KPNA7: variants seen among roughly 807,000 people sequenced by gnomAD.
KPNA7 encodes the protein karyopherin subunit alpha 7, also known as importin subunit alpha-8.
KPNA7 carries 54 observed loss-of-function variants against 53.7 expected under a neutral mutation model. That is an observed-to-expected ratio of 1.01 (90% CI 0.81 to 1.26). The LOEUF (loss-of-function observed/expected upper bound fraction) is 1.26, where lower values mean the gene tolerates loss of function less well. KPNA7 is among the 50% of genes most tolerant of loss of function. The probability of loss-of-function intolerance (pLI) is 0.00; values close to 1 mark genes in which losing one functional copy is unlikely to be tolerated. For synonymous variants in KPNA7, 276 were observed against 259.3 expected (o/e 1.06, Z -0.62); for missense variants, 640 against 644.5 (o/e 0.99, Z 0.07).
At chr7:99,158,662 C>T in the KPNA7 span, among the ~76,000 whole-genome samples, 1 of 151,946 alleles carries the variant, frequency 6.6e-6, no homozygotes, top group East Asian at 1.9e-4. Context: ...CACCACCATG[C>T]CCAGCTAATT....
downstream of KPNA7, among the ~76,000 whole-genome samples, chr7:99,170,459 C>T (rs886126255): frequency 1.6e-4 from 7 of 44,658 alleles, no homozygotes; most frequent in Admixed American, 1.1e-3. Context: ...TGAGAGGATC[C>T]GTTTCAGTGG....
downstream of KPNA7, among the ~76,000 whole-genome samples, chr7:99,171,213 C>G (rs1469421179): frequency 6.6e-6 from 1 of 152,110 alleles, no homozygotes; most frequent in Non-Finnish European, 1.5e-5. Context: ...GAGCAAGACT[C>G]TGTCTCAAAA....
chr7:99,166,053 C>T, the KPNA7 span, among the ~76,000 whole-genome samples: 1 of 152,082 alleles, frequency 6.6e-6, no homozygotes, highest in Non-Finnish European at 1.5e-5. Context: ...GTAAGACGTG[C>T]CTGCCTCCCC....
chr7:99,212,390 C>A (rs1039149721), upstream of KPNA7, among the ~76,000 whole-genome samples: 1 of 151,738 alleles, frequency 6.6e-6, no homozygotes, highest in Non-Finnish European at 1.5e-5. Flanking sequence ...ATTACAGGCA[C>A]CTGCCACCAC....
At chr7:99,200,886 T>C (rs1467443010) in intron 3 of KPNA7, among the ~76,000 whole-genome samples, 1 of 151,916 alleles carries the variant, frequency 6.6e-6, no homozygotes, top group Non-Finnish European at 1.5e-5. Flanking sequence ...GAGAATGGCT[T>C]GATCCCGGGA....
chr7:99,156,019 G>GA, the KPNA7 span, among the ~76,000 whole-genome samples: 1 of 152,010 alleles, frequency 6.6e-6, no homozygotes, highest in African/African-American at 2.4e-5. Context: ...TTCTAATATG[G>GA]AAAAAACAGG....
At chr7:99,212,403 C>T (rs780495141), upstream of KPNA7, among the ~76,000 whole-genome samples, 1 of 151,890 alleles carries the variant, frequency 6.6e-6, no homozygotes, top group Non-Finnish European at 1.5e-5. Context: ...GCCACCACGC[C>T]CAGCTAATTT....
At chr7:99,181,039 C>G (rs202202515) in intron 9 of KPNA7, among the ~76,000 whole-genome samples, 1,787 of 79,076 alleles carry the variant, frequency 0.023, 785 homozygotes, top group East Asian at 0.1. Flanking sequence ...CTGTGTGTGT[C>G]TCTCTCTCTC....
intron 9 of KPNA7, 76 bp downstream of exon 9, chr7:99,181,807 T>A: frequency 1.6e-6 from 2 of 1,288,992 alleles, no homozygotes; most frequent in South Asian, 3.5e-5. Flanking sequence ...ACAACTTGAA[T>A]TTTAAGAGCC....
At chr7:99,186,449 G>A (rs545866893) in intron 7 of KPNA7, among the ~76,000 whole-genome samples, 2 of 152,264 alleles carry the variant, frequency 1.3e-5, no homozygotes, top group African/African-American at 4.8e-5. Flanking sequence ...CTCCAAATAG[G>A]CCCCAGAACC....
intron 10 of KPNA7, among the ~76,000 whole-genome samples, chr7:99,174,618 G>A (rs764519606): frequency 5.3e-5 from 8 of 152,098 alleles, no homozygotes. Context: ...CCAAATCTAA[G>A]TGGAATCGCA....
chr7:99,205,200 G>A (rs1790735943), intron 2 of KPNA7, among the ~76,000 whole-genome samples: 1 of 151,572 alleles, frequency 6.6e-6, no homozygotes, highest in African/African-American at 2.4e-5. Flanking sequence ...GAGGCAGGGG[G>A]ATCATGAGGT....
Position 99,203,237 on chromosome 7 carries a change from T to C in KPNA7, c.70A>G (p.Arg24Gly), listed in dbSNP as rs1379521182. ...CTGACCGCCATCCTCTGCTGTCGCCTCAGCTAGTGAGGAAAAGAAATTGGA... is the reference window on the plus strand; with the variant it reads ...CTGACCGCCATCCTCTGCTGTCGCCCCAGCTAGTGAGGAAAAGAAATTGGA... Reference protein sequence around the residue: ...FKYRGKDVSLRRQQRMAVSLE... With the variant: ...FKYRGKDVSLGRQQRMAVSLE... Residue 24 changes from arginine to glycine, a missense_variant, in exon 3 of 11, where the codon AGG becomes GGG. By Grantham distance (125) the Arg-to-Gly change is moderately radical. Coordinates refer to ENST00000327442, the MANE Select transcript of KPNA7 (RefSeq NM_001145715.3). 4 of 1,550,060 alleles carry C rather than the reference T, an allele frequency of 2.6e-6. No individual in the cohort carries two copies. Among genetic ancestry groups the C allele is most frequent in the Non-Finnish European group, 3.5e-6 (4 of 1,145,688 alleles).
At chr7:99,184,888 G>T (rs1208065008) in intron 8 of KPNA7, 41 bp downstream of exon 8, 4 of 1,501,360 alleles carry the variant, frequency 2.7e-6, no homozygotes, top group Non-Finnish European at 3.6e-6. Flanking sequence ...AGGGCTATTG[G>T]AAAGTAGTCC....
chr7:99,174,064 C>G (rs982280190), intron 10 of KPNA7, among the ~76,000 whole-genome samples: 1 of 152,166 alleles, frequency 6.6e-6, no homozygotes, highest in Non-Finnish European at 1.5e-5. Flanking sequence ...CTGGGCCACA[C>G]AGCAGAAGGT....
the KPNA7 span, among the ~76,000 whole-genome samples, chr7:99,147,770 G>A: frequency 6.6e-6 from 1 of 150,780 alleles, no homozygotes; most frequent in Non-Finnish European, 1.5e-5. Context: ...CAGCCTGGGC[G>A]ATAAGAGCAA....
upstream of KPNA7, among the ~76,000 whole-genome samples, chr7:99,211,322 C>T (rs1455872786): frequency 1.3e-5 from 2 of 152,100 alleles, no homozygotes; most frequent in East Asian, 1.9e-4. Context: ...CTTGAGAGGC[C>T]GAGGCAGGAG....
intron 8 of KPNA7, among the ~76,000 whole-genome samples, chr7:99,183,178 G>A (rs887504121): frequency 2.6e-5 from 4 of 152,136 alleles, no homozygotes. Flanking sequence ...CTTGAACTCA[G>A]GAGGCAGAGG....
chr7:99,185,984 G>C (rs867715979), intron 7 of KPNA7, among the ~76,000 whole-genome samples: 2 of 152,016 alleles, frequency 1.3e-5, no homozygotes, highest in Non-Finnish European at 2.9e-5. Context: ...GTAGAGACAA[G>C]GTTTCACCAT....
Sources: allele counts gnomAD v4.1 joint callset (sites outside exome capture counted in the v4.1 genomes callset), GRCh38; gene constraint gnomAD v4.1.1; transcripts MANE v1.5; gene names NCBI Gene and HGNC (gene_info 2026-07-23, HGNC 2026-07-21).